UBAC2: variants seen among roughly 807,000 people sequenced by gnomAD.
UBAC2 encodes the protein UBA domain containing 2, also known as ubiquitin-associated domain-containing protein 2.
Under a neutral mutation model 44.0 loss-of-function variants are expected in UBAC2, and 26 were observed. That is an observed-to-expected ratio of 0.59 (90% CI 0.43 to 0.82). UBAC2 has a LOEUF of 0.82. Ranked by LOEUF, UBAC2 falls within the 40% of genes least tolerant of loss-of-function variation. The pLI is 0.00. For synonymous variants in UBAC2, 155 were observed against 154.3 expected, an observed-to-expected ratio of 1.00 and a Z score of -0.04; for missense variants, 329 against 419.4, an observed-to-expected ratio of 0.78 and a Z score of 1.88.
At chr13:99,251,560 A>C (rs1448546874) in intron 4 of UBAC2, among the ~76,000 whole-genome samples, 1 of 152,206 alleles carries the variant, frequency 6.6e-6, no homozygotes, top group African/African-American at 2.4e-5. Context: ...AAAGCATTCC[A>C]TACAATGCTG....
intron 7 of UBAC2, among the ~76,000 whole-genome samples, chr13:99,350,744 C>T (rs879424145): frequency 6.6e-6 from 1 of 152,250 alleles, no homozygotes; most frequent in Non-Finnish European, 1.5e-5. Context: ...CACGGGAACC[C>T]TCATTTATAG....
At position 99,295,777 on chromosome 13, in the gene UBAC2, G is replaced by A. The variant is rs41280144; in HGVS notation, c.390-18320G>A. 2.2e-4 allele frequency: 354 copies of A among 1,613,906 alleles called. 1 individual carries two copies. Among genetic ancestry groups the A allele is most frequent in the Admixed American group, 8.2e-4 (49 of 60,022 alleles). The stretch of plus-strand genomic sequence containing the variant: ...CAATGAAGCGGTCAATACTCAGGCA[G>A]GTCATAAAGTTCACACCTGCATATG... On this transcript the variant is annotated intron_variant, in intron 4 of 8. Transcript: ENST00000403766. This position sits in a 1 kb window ranked among gnomAD's most constrained non-coding sequence, Gnocchi z 4.1.
At chr13:99,334,435 T>C (rs1350405659) in intron 6 of UBAC2, among the ~76,000 whole-genome samples, 1 of 152,212 alleles carries the variant, frequency 6.6e-6, no homozygotes, top group African/African-American at 2.4e-5. Flanking sequence ...CAACGTCTTT[T>C]CATTACAGCA....
At chr13:99,345,168 G>T (rs2044954615) in intron 7 of UBAC2, among the ~76,000 whole-genome samples, 1 of 152,194 alleles carries the variant, frequency 6.6e-6, no homozygotes, top group Non-Finnish European at 1.5e-5. Context: ...ACCTCCAGGA[G>T]CCCTGTGATT....
At chr13:99,202,766 G>A (rs2042820786) in intron 1 of UBAC2, among the ~76,000 whole-genome samples, 1 of 152,142 alleles carries the variant, frequency 6.6e-6, no homozygotes, top group Non-Finnish European at 1.5e-5. Flanking sequence ...TGTAAGAGTT[G>A]TTGGGATGGC....
intron 4 of UBAC2, among the ~76,000 whole-genome samples, chr13:99,288,349 G>A (rs1359037270): frequency 6.6e-6 from 1 of 152,202 alleles, no homozygotes; most frequent in Non-Finnish European, 1.5e-5. Flanking sequence ...GTGGTTTTCA[G>A]TTGAGTGGAC....
intron 4 of UBAC2, among the ~76,000 whole-genome samples, chr13:99,247,372 G>A (rs1209422944): frequency 6.6e-6 from 1 of 150,720 alleles, no homozygotes; most frequent in Non-Finnish European, 1.5e-5. Context: ...CCGCTACCAC[G>A]CCCGGCTAAT....
intron 4 of UBAC2, chr13:99,254,963 G>C (rs779000601): frequency 1.2e-6 from 2 of 1,613,938 alleles, no homozygotes; most frequent in African/African-American, 1.3e-5. Flanking sequence ...AGGTAATTAC[G>C]GTATAGCATG....
intron 1 of UBAC2, chr13:99,215,691 C>T (rs553361690): frequency 1.3e-6 from 2 of 1,501,122 alleles, no homozygotes; most frequent in Non-Finnish European, 1.8e-6. Context: ...CAAGCCGGCT[C>T]TCTGCGAGCG....
At chr13:99,381,407 G>A (rs1349627801) in intron 8 of UBAC2, among the ~76,000 whole-genome samples, 3 of 152,232 alleles carry the variant, frequency 2.0e-5, no homozygotes, top group South Asian at 2.1e-4. Context: ...AAATGGATTC[G>A]TTTGTGCTGG....
intron 4 of UBAC2, among the ~76,000 whole-genome samples, chr13:99,276,290 T>TC (rs2043881226): frequency 6.6e-6 from 1 of 152,138 alleles, no homozygotes; most frequent in African/African-American, 2.4e-5. Flanking sequence ...CAGAAGACTG[T>TC]CTCCACTTCA....
chr13:99,216,834 C>CTT (rs11338165), intron 1 of UBAC2, among the ~76,000 whole-genome samples: 2 of 140,624 alleles, frequency 1.4e-5, no homozygotes, highest in Non-Finnish European at 3.1e-5. Context: ...TTTCTTTTTT[C>CTT]TTTTTTTTTT....
At chr13:99,272,948 T>G (rs1410239599) in intron 4 of UBAC2, among the ~76,000 whole-genome samples, 1 of 152,114 alleles carries the variant, frequency 6.6e-6, no homozygotes, top group African/African-American at 2.4e-5. Flanking sequence ...GCTCTAGTAT[T>G]TTTAGCCATT....
At chr13:99,218,865 C>T (rs2043025311) in intron 1 of UBAC2, among the ~76,000 whole-genome samples, 1 of 152,170 alleles carries the variant, frequency 6.6e-6, no homozygotes, top group Non-Finnish European at 1.5e-5. Flanking sequence ...ATCTAAGTTT[C>T]ATTAAGTTTT....
intron 4 of UBAC2, among the ~76,000 whole-genome samples, chr13:99,284,828 C>T (rs2182954): frequency 0.71 from 108,509 of 152,058 alleles, 40,236 homozygotes; most frequent in Non-Finnish European, 0.83. Flanking sequence ...TCTAAGGCTG[C>T]TGGAAAATTA....
chr13:99,338,047 C>CTTTTTTTTTTT lies in UBAC2; in HGVS notation c.562-2255_562-2245dup, dbSNP rs869112086. 8.7e-3 allele frequency among the ~76,000 whole-genome samples: 423 copies of CTTTTTTTTTTT among 48,878 alleles called. 43 individuals carry two copies. Among genetic ancestry groups the CTTTTTTTTTTT allele is most frequent in the African/African-American group, 0.018 (257 of 14,120 alleles). The allele number at this position is 48,878 out of a possible 152,430, so 32.1% of individuals were successfully genotyped here. A position where few individuals can be genotyped will look rare whatever the true frequency, so the allele number is the denominator to read the frequency against. Reference sequence around the variant, plus strand: ...ATCTCCTAACTTTTTTTCTTTTTTTCTTTTTTTTTTTTTTTTTTTTTTTTT... The same window carrying CTTTTTTTTTTT: ...ATCTCCTAACTTTTTTTCTTTTTTTCTTTTTTTTTTTTTTTTTTTTTTTTTTTTTTTTTTTT... On this transcript the variant is annotated intron_variant, in intron 6 of 8. Coordinates refer to ENST00000403766, the MANE Select transcript of UBAC2 (RefSeq NM_001144072.2).
intron 6 of UBAC2, among the ~76,000 whole-genome samples, chr13:99,337,150 AT>A (rs2044800947): frequency 6.6e-6 from 1 of 152,192 alleles, no homozygotes; most frequent in Non-Finnish European, 1.5e-5. Context: ...AACCTTAAAT[AT>A]TCCGCATGAA....
intron 7 of UBAC2, among the ~76,000 whole-genome samples, chr13:99,343,800 A>G (rs1594148711): frequency 2.6e-5 from 4 of 151,994 alleles, no homozygotes; most frequent in Admixed American, 2.6e-4. Context: ...CACGTAGAGA[A>G]CTCTTTTGTT....
At chr13:99,222,375 A>G (rs2043060526) in intron 1 of UBAC2, among the ~76,000 whole-genome samples, 1 of 152,230 alleles carries the variant, frequency 6.6e-6, no homozygotes, top group African/African-American at 2.4e-5. Flanking sequence ...ACAGGCACAT[A>G]GGCCCTGTAG....
Sources: gnomAD v4.1 joint callset for allele counts (sites outside exome capture counted in the v4.1 genomes callset) on GRCh38, gnomAD v4.1.1 for gene constraint, Gnocchi (gnomAD v3.1) non-coding constraint, MANE v1.5 for transcripts, NCBI Gene and HGNC (gene_info 2026-07-23, HGNC 2026-07-21) for gene names.